The following CARMIL1 variants were observed in gnomAD, a reference collection of about 807,000 sequenced individuals.
CARMIL1 encodes the protein F-actin-uncapping protein LRRC16A.
A neutral mutation model predicts 177.1 loss-of-function variants in CARMIL1; 90 were observed. The ratio of observed to expected loss-of-function variants is 0.51; its 90% confidence interval spans 0.43 to 0.61. The LOEUF (loss-of-function observed/expected upper bound fraction) is 0.61, where lower values mean the gene tolerates loss of function less well. CARMIL1 is among the 20% of genes least tolerant of loss of function. The probability of loss-of-function intolerance (pLI) is 0.00; values close to 1 mark genes in which losing one functional copy is unlikely to be tolerated. For synonymous variants in CARMIL1, 577 were observed against 606.2 expected (o/e 0.95, Z 0.71); for missense variants, 1,380 against 1,667.0 (o/e 0.83, Z 3.00).
chr6:25,458,027 G>GT (rs1292518031), intron 8 of CARMIL1, among the ~76,000 whole-genome samples: 2 of 152,140 alleles, frequency 1.3e-5, no homozygotes, highest in African/African-American at 4.8e-5. Context: ...GGGAAAGGGA[G>GT]TAAGGAGGGA....
chr6:25,549,544 T>C (rs1246416792), intron 26 of CARMIL1, among the ~76,000 whole-genome samples: 1 of 152,172 alleles, frequency 6.6e-6, no homozygotes, highest in African/African-American at 2.4e-5. Context: ...CAGAGCACTG[T>C]CAAAATAGGA....
chr6:25,568,086 G>T (rs993900486), intron 29 of CARMIL1, among the ~76,000 whole-genome samples: 5 of 152,340 alleles, frequency 3.3e-5, no homozygotes, highest in African/African-American at 9.6e-5. Flanking sequence ...TTTGACGTAT[G>T]TGCTGAAGAA....
At chr6:25,417,677 T>G (rs927191580) in intron 2 of CARMIL1, among the ~76,000 whole-genome samples, 1 of 151,850 alleles carries the variant, frequency 6.6e-6, no homozygotes, top group Non-Finnish European at 1.5e-5. Context: ...TATAGCCTGG[T>G]GGTTAAGAAC....
rs1198688825 is a variant in CARMIL1 at position 25,326,448 on chromosome 6, T to A, written c.138+41539T>A. ...AATCTGATATGTTTAAAATGATTAC[T>A]GAGGCTTCTAAGTAGAGCATTACAC... is the stretch of plus-strand genomic sequence containing the variant. On this transcript the variant is annotated intron_variant, in intron 2 of 36. Coordinates refer to ENST00000329474, the MANE Select transcript of CARMIL1 (RefSeq NM_017640.6). This position sits in a 1 kb window ranked among gnomAD's most constrained non-coding sequence, Gnocchi z 4.2. Among the ~76,000 whole-genome samples the A allele has an allele frequency of 6.6e-6, 1 of 152,190 alleles. No individual in the cohort carries two copies. Among genetic ancestry groups the A allele is most frequent in the Non-Finnish European group, 1.5e-5 (1 of 68,028 alleles).
intron 32 of CARMIL1, among the ~76,000 whole-genome samples, chr6:25,597,951 A>G (rs572601583): frequency 3.3e-5 from 5 of 152,234 alleles, no homozygotes; most frequent in Non-Finnish European, 5.9e-5. Flanking sequence ...CGGTGTTGCT[A>G]TGAGAATCTG....
At chr6:25,485,224 T>C (rs1802512356) in intron 12 of CARMIL1, among the ~76,000 whole-genome samples, 1 of 152,158 alleles carries the variant, frequency 6.6e-6, no homozygotes, top group African/African-American at 2.4e-5. Context: ...TTTAGTGTGG[T>C]AACAGTGGGG....
At chr6:25,470,676 G>A (rs1384387367) in intron 9 of CARMIL1, among the ~76,000 whole-genome samples, 2 of 152,186 alleles carry the variant, frequency 1.3e-5, no homozygotes, top group Non-Finnish European at 2.9e-5. Context: ...GGCTCCAGCA[G>A]ACTTGGTGTC....
intron 2 of CARMIL1, among the ~76,000 whole-genome samples, chr6:25,350,248 G>A (rs1209079978): frequency 6.6e-6 from 1 of 152,164 alleles, no homozygotes; most frequent in Non-Finnish European, 1.5e-5. Context: ...TTTTGCTTGT[G>A]TCCCTCAAAT....
At chr6:25,386,324 C>T (rs188542) in intron 2 of CARMIL1, among the ~76,000 whole-genome samples, 59,166 of 151,892 alleles carry the variant, frequency 0.39, 11,804 homozygotes, top group Non-Finnish European at 0.44. Context: ...TCAATCTTGG[C>T]TCACTGCAAC....
chr6:25,467,644 C>T (rs566900481), intron 9 of CARMIL1, among the ~76,000 whole-genome samples: 1 of 152,268 alleles, frequency 6.6e-6, no homozygotes, highest in South Asian at 2.1e-4. Context: ...TGTACCTAAT[C>T]ATTTCAGTCC....
chr6:25,530,926 A>G (rs528989184), intron 24 of CARMIL1, among the ~76,000 whole-genome samples: 1 of 152,340 alleles, frequency 6.6e-6, no homozygotes, highest in East Asian at 1.9e-4. Context: ...TTAAATTTTT[A>G]ATGTTAGACA....
At chr6:25,479,121 G>A (rs778006937) in intron 11 of CARMIL1, 2 of 518,854 alleles carry the variant, frequency 3.9e-6, no homozygotes, top group Admixed American at 1.9e-5. Context: ...CCACTACCAA[G>A]ATCAAGAGAC....
intron 2 of CARMIL1, among the ~76,000 whole-genome samples, chr6:25,414,885 T>TG (rs1795231744): frequency 1.3e-5 from 2 of 152,206 alleles, no homozygotes; most frequent in Admixed American, 6.5e-5. Context: ...CTTCAAAGCC[T>TG]GGGCTCCCTT....
intron 2 of CARMIL1, among the ~76,000 whole-genome samples, chr6:25,348,788 T>C (rs112343843): frequency 0.059 from 8,988 of 151,882 alleles, 595 homozygotes; most frequent in African/African-American, 0.16. Flanking sequence ...CTTAAAAAAA[T>C]AAAAAATAAA....
chr6:25,282,979 G>T (rs1334990958), intron 1 of CARMIL1, among the ~76,000 whole-genome samples: 1 of 152,138 alleles, frequency 6.6e-6, no homozygotes, highest in East Asian at 1.9e-4. Flanking sequence ...CATGTGAATA[G>T]ACCAAAATGA....
intron 2 of CARMIL1, among the ~76,000 whole-genome samples, chr6:25,372,041 G>A (rs888085940): frequency 1.3e-5 from 2 of 152,086 alleles, no homozygotes; most frequent in African/African-American, 2.4e-5. Context: ...TGTATACTTT[G>A]TCAAAGATCA....
chr6:25,345,508 A>G (rs959317170), intron 2 of CARMIL1, among the ~76,000 whole-genome samples: 8 of 152,146 alleles, frequency 5.3e-5, no homozygotes, highest in Non-Finnish European at 8.8e-5. Context: ...GGCATTTCAA[A>G]ACATAACATG....
At chr6:25,397,393 C>A (rs1793511514) in intron 2 of CARMIL1, among the ~76,000 whole-genome samples, 1 of 152,018 alleles carries the variant, frequency 6.6e-6, no homozygotes, top group Non-Finnish European at 1.5e-5. Context: ...GAATAAAATT[C>A]TTGATGGTTT....
intron 2 of CARMIL1, among the ~76,000 whole-genome samples, chr6:25,354,530 C>T (rs1006364042): frequency 2.6e-5 from 4 of 152,056 alleles, no homozygotes; most frequent in African/African-American, 9.6e-5. Flanking sequence ...ATTGCCCCTT[C>T]ATGTTTTCAG....
Sources: allele counts gnomAD v4.1 joint callset (sites outside exome capture counted in the v4.1 genomes callset), GRCh38; gene constraint gnomAD v4.1.1; non-coding constraint Gnocchi (gnomAD v3.1); transcripts MANE v1.5; gene names NCBI Gene and HGNC (gene_info 2026-07-23, HGNC 2026-07-21).